Variants in CLOCK observed in about 807,000 individuals in gnomAD.
CLOCK encodes clock circadian regulator, also known as circadian locomoter output cycles protein kaput.
A neutral mutation model predicts 118.4 loss-of-function variants in CLOCK; 43 were observed. That is an observed-to-expected ratio of 0.36 (90% CI 0.28 to 0.47). The LOEUF is 0.47. CLOCK is among the 20% of genes least tolerant of loss of function. CLOCK has a pLI of 1.00. For synonymous variants in CLOCK, 326 were observed against 339.2 expected (o/e 0.96, Z 0.43); for missense variants, 846 against 999.9 (o/e 0.85, Z 2.08).
At chr4:55,488,023 C>T (rs1331387808) in intron 3 of CLOCK, among the ~76,000 whole-genome samples, 1 of 152,194 alleles carries the variant, frequency 6.6e-6, no homozygotes, top group African/African-American at 2.4e-5. Context: ...TTTCATCACT[C>T]TTAATTAGGC....
chr4:55,452,654 T>C (rs1164796741), intron 15 of CLOCK: 2 of 186,904 alleles, frequency 1.1e-5, no homozygotes, highest in African/African-American at 4.8e-5. Context: ...CAATTCTGAC[T>C]ATAATTTCCC....
intron 11 of CLOCK, among the ~76,000 whole-genome samples, chr4:55,457,464 T>A (rs964500369): frequency 6.6e-6 from 1 of 152,210 alleles, no homozygotes; most frequent in African/African-American, 2.4e-5. Flanking sequence ...CCAGTCTCCC[T>A]GTCCTTCAAC....
intron 1 of CLOCK, among the ~76,000 whole-genome samples, chr4:55,538,527 CCAAA>C (rs1731050876): frequency 6.6e-6 from 1 of 151,832 alleles, no homozygotes; most frequent in South Asian, 2.1e-4. Flanking sequence ...TAGAAAATAT[CCAAA>C]CAGAGAAAAA....
intron 8 of CLOCK, among the ~76,000 whole-genome samples, chr4:55,465,733 T>G (rs1725687494): frequency 6.6e-6 from 1 of 152,096 alleles, no homozygotes. Flanking sequence ...AGGTGGACTG[T>G]CTGAGGTCAT....
intron 9 of CLOCK, among the ~76,000 whole-genome samples, chr4:55,461,822 A>G (rs1441414587): frequency 6.6e-6 from 1 of 152,150 alleles, no homozygotes; most frequent in Non-Finnish European, 1.5e-5. Flanking sequence ...CTTTTTTTGC[A>G]GATAACAAAA....
Position 55,431,909 on chromosome 4 carries a change from G to A in CLOCK, c.*3506C>T, listed in dbSNP as rs1172834479. ...CAAGGGTTCTTCTCCCTTCAACAGTGCTCTTGATGGAGCTGGACTGCTTCA... is the reference window on the plus strand; with the variant it reads ...CAAGGGTTCTTCTCCCTTCAACAGTACTCTTGATGGAGCTGGACTGCTTCA... On this transcript the variant is annotated 3_prime_UTR_variant, in exon 23 of 23. Coordinates refer to ENST00000513440, the MANE Select transcript of CLOCK (RefSeq NM_004898.4). The A allele has an allele frequency of 3.9e-5, 6 of 152,198 alleles. No homozygotes were observed. The highest frequency in any genetic ancestry group is 2.1e-4 in the South Asian group (1 of 4,828). The allele number at this position is 152,198 out of a possible 1,614,324, so 9.4% of individuals were successfully genotyped here. A position where few individuals can be genotyped will look rare whatever the true frequency, so the allele number is the denominator to read the frequency against.
chr4:55,471,892 G>A (rs1019046548), intron 7 of CLOCK, among the ~76,000 whole-genome samples: 6 of 152,092 alleles, frequency 3.9e-5, no homozygotes, highest in African/African-American at 1.2e-4. Flanking sequence ...GAGCAACATG[G>A]CGAAACCTTG....
At chr4:55,518,458 T>C (rs1729656198) in intron 1 of CLOCK, among the ~76,000 whole-genome samples, 1 of 152,240 alleles carries the variant, frequency 6.6e-6, no homozygotes, top group African/African-American at 2.4e-5. Context: ...AAAGGTTGAC[T>C]GTAGACATTC....
chr4:55,447,604 C>T (rs140528315), intron 18 of CLOCK, among the ~76,000 whole-genome samples: 198 of 152,228 alleles, frequency 1.3e-3, no homozygotes, highest in Non-Finnish European at 1.7e-3. Flanking sequence ...TGAATGCTTA[C>T]TAACATTTTT....
chr4:55,523,357 C>T (rs1224083959), intron 1 of CLOCK, among the ~76,000 whole-genome samples: 1 of 151,958 alleles, frequency 6.6e-6, no homozygotes, highest in African/African-American at 2.4e-5. Flanking sequence ...CACTTGTGAC[C>T]AAAGAGTAGC....
At chr4:55,522,264 C>T (rs544170975) in intron 1 of CLOCK, among the ~76,000 whole-genome samples, 1 of 151,960 alleles carries the variant, frequency 6.6e-6, no homozygotes, top group South Asian at 2.1e-4. Flanking sequence ...CAAGCACAAA[C>T]TTTAAAGAAA....
At chr4:55,490,218 A>G (rs1727579878) in intron 2 of CLOCK, among the ~76,000 whole-genome samples, 2 of 152,114 alleles carry the variant, frequency 1.3e-5, no homozygotes, top group Non-Finnish European at 2.9e-5. Context: ...AAAGAGTATA[A>G]GTGACCATAC....
chr4:55,463,551 A>C (rs1725520613), intron 9 of CLOCK, 134 bp downstream of exon 9: 3 of 640,398 alleles, frequency 4.7e-6, no homozygotes, highest in Non-Finnish European at 2.6e-6. Context: ...ATATATTTTA[A>C]TATTGAAAAA....
intron 18 of CLOCK, among the ~76,000 whole-genome samples, chr4:55,445,958 A>G (rs73151873): frequency 0.1 from 15,754 of 151,738 alleles, 2,777 homozygotes; most frequent in African/African-American, 0.36. Flanking sequence ...TTACCAGTTA[A>G]TAATTTTTTA....
intron 2 of CLOCK, among the ~76,000 whole-genome samples, chr4:55,497,142 G>A (rs13138697): frequency 0.72 from 109,371 of 152,074 alleles, 39,935 homozygotes; most frequent in African/African-American, 0.84. Context: ...GGCTAAAACC[G>A]AGGTGTTGGC....
At chr4:55,538,483 G>A (rs1194756475) in intron 1 of CLOCK, among the ~76,000 whole-genome samples, 1 of 152,126 alleles carries the variant, frequency 6.6e-6, no homozygotes, top group African/African-American at 2.4e-5. Flanking sequence ...GACAAAAAGA[G>A]AAGATAGTTT....
In CLOCK at chr4:55,533,417, G is replaced by A. The variant is rs554176347; in HGVS notation, c.-290+13365C>T. Reference sequence around the variant, plus strand: ...TGTTGGGAAAACTGAATATCCACATGCCAAAGAATGAAGCCAAAATATGAT... The same window carrying A: ...TGTTGGGAAAACTGAATATCCACATACCAAAGAATGAAGCCAAAATATGAT... On this transcript the variant is annotated intron_variant, in intron 1 of 22. Transcript: ENST00000513440. 1.6e-4 allele frequency among the ~76,000 whole-genome samples: 25 copies of A among 152,250 alleles called. No homozygotes were observed. In the East Asian group the frequency reaches 4.8e-3, roughly 29 times the overall value.
chr4:55,459,131 G>A lies in CLOCK; in HGVS notation c.673+17C>T, dbSNP rs191187278. On this transcript the variant is annotated intron_variant, in intron 10 of 22. Coordinates refer to ENST00000513440, the MANE Select transcript of CLOCK (RefSeq NM_004898.4). Reference sequence around the variant, plus strand: ...TAACAAGTTAAAACACATTGTGAGAGAAGCATTTTAACTCACCACTGTTTA... The same window carrying A: ...TAACAAGTTAAAACACATTGTGAGAAAAGCATTTTAACTCACCACTGTTTA... 2 of 1,494,196 alleles carry A rather than the reference G, an allele frequency of 1.3e-6. No individual in the cohort carries two copies. Among genetic ancestry groups the A allele is most frequent in the African/African-American group, 2.8e-5 (2 of 72,584 alleles). The allele number at this position is 1,494,196 out of a possible 1,614,324, so 92.6% of individuals were successfully genotyped here.
intron 2 of CLOCK, among the ~76,000 whole-genome samples, chr4:55,508,594 A>ATTT (rs11133393): frequency 2.7e-5 from 4 of 146,766 alleles, no homozygotes; most frequent in East Asian, 2.0e-4. Context: ...ACACGGGTAA[A>ATTT]TTTTTTTTTT....
Sources: allele counts gnomAD v4.1 joint callset (sites outside exome capture counted in the v4.1 genomes callset), GRCh38; gene constraint gnomAD v4.1.1; transcripts MANE v1.5; gene names NCBI Gene and HGNC (gene_info 2026-07-23, HGNC 2026-07-21).